The following SCYL2 variants were observed in gnomAD, a reference collection of about 807,000 sequenced individuals.
SCYL2 encodes the protein SCY1-like protein 2.
A neutral mutation model predicts 100.4 loss-of-function variants in SCYL2; 36 were observed. The ratio of observed to expected loss-of-function variants is 0.36; its 90% CI spans 0.27 to 0.47. The LOEUF (loss-of-function observed/expected upper bound fraction) is 0.47, where lower values mean the gene tolerates loss of function less well. SCYL2 is among the 20% of genes least tolerant of loss of function. SCYL2 has a pLI of 1.00. For synonymous variants in SCYL2, 330 were observed against 359.2 expected (o/e 0.92, Z 0.92); for missense variants, 902 against 1,083.9 (o/e 0.83, Z 2.36).
At chr12:100,337,647 T>G (rs1334334497) in intron 17 of SCYL2, 141 bp downstream of exon 17, 1 of 825,532 alleles carries the variant, frequency 1.2e-6, no homozygotes, top group Non-Finnish European at 1.9e-6. Context: ...AGTATGGGCA[T>G]AAATGATTTT....
intron 16 of SCYL2, among the ~76,000 whole-genome samples, chr12:100,336,592 A>G (rs999231586): frequency 5.3e-5 from 8 of 152,110 alleles, no homozygotes; most frequent in Non-Finnish European, 1.0e-4. Context: ...GGGGTACATG[A>G]TGTATACATG....
intron 1 of SCYL2, among the ~76,000 whole-genome samples, chr12:100,281,121 C>G (rs1019941619): frequency 6.7e-6 from 1 of 150,096 alleles, no homozygotes; most frequent in African/African-American, 2.5e-5. Flanking sequence ...CTCCCTCTCC[C>G]GGGCTCAAAC....
intron 1 of SCYL2, among the ~76,000 whole-genome samples, chr12:100,270,673 C>T (rs1349928301): frequency 4.1e-5 from 6 of 147,578 alleles, no homozygotes; most frequent in African/African-American, 1.5e-4. Context: ...CAGGGTCTCA[C>T]TATGTTGCCC....
intron 4 of SCYL2, among the ~76,000 whole-genome samples, chr12:100,302,416 G>A (rs569717451): frequency 1.3e-5 from 2 of 152,254 alleles, no homozygotes; most frequent in African/African-American, 2.4e-5. Flanking sequence ...TCCATATTTA[G>A]TGCTTTCTTC....
rs201196229 is a variant in SCYL2, at chr12:100,299,239, AAAC to A, written c.480+1079_480+1081del. 2.2e-3 allele frequency among the ~76,000 whole-genome samples: 332 copies of A among 152,246 alleles called. 2 individuals carry two copies. The highest frequency in any genetic ancestry group is 9.8e-3 in the East Asian group (51 of 5,180). On this transcript the variant is annotated intron_variant, in intron 4 of 17. Coordinates refer to ENST00000360820, the MANE Select transcript of SCYL2 (RefSeq NM_017988.6). Reference sequence around the variant, plus strand: ...GACAGAGTGAGAGCCTGTCTTAAAAAAACAACAACAACAACAAAAATAATATCT... The same window carrying A: ...GACAGAGTGAGAGCCTGTCTTAAAAAAACAACAACAACAAAAATAATATCT...
At chr12:100,292,404 A>G (rs1317186692) in intron 3 of SCYL2, among the ~76,000 whole-genome samples, 1 of 152,064 alleles carries the variant, frequency 6.6e-6, no homozygotes, top group East Asian at 1.9e-4. Flanking sequence ...AGGATAGGGG[A>G]AGAATGGGAA....
intron 9 of SCYL2, 85 bp downstream of exon 9, chr12:100,315,819 C>A: frequency 8.5e-7 from 1 of 1,173,130 alleles, no homozygotes; most frequent in Non-Finnish European, 1.1e-6. Flanking sequence ...GAATATATGA[C>A]TTAAAAAAAA....
At chr12:100,268,743 AT>A (rs1304911993) in intron 1 of SCYL2, among the ~76,000 whole-genome samples, 2 of 152,196 alleles carry the variant, frequency 1.3e-5, no homozygotes, top group Non-Finnish European at 2.9e-5. Context: ...CATGTTTGAA[AT>A]TCATGATATA....
intron 10 of SCYL2, among the ~76,000 whole-genome samples, chr12:100,322,622 G>A (rs2096357380): frequency 6.6e-6 from 1 of 151,624 alleles, no homozygotes; most frequent in South Asian, 2.1e-4. Flanking sequence ...CTGGGCATGG[G>A]CCAAGGTAGG....
chr12:100,294,719 CGG>C (rs1566351684), intron 3 of SCYL2, among the ~76,000 whole-genome samples: 11 of 129,670 alleles, frequency 8.5e-5, no homozygotes, highest in African/African-American at 3.8e-4. Flanking sequence ...ACCTCCCTCC[CGG>C]ACGGGGTGGC....
chr12:100,319,069 A>G (rs1008209379), intron 10 of SCYL2, among the ~76,000 whole-genome samples: 2 of 152,250 alleles, frequency 1.3e-5, no homozygotes, highest in Non-Finnish European at 2.9e-5. Flanking sequence ...TTAATAAAAT[A>G]GGATTTTTTT....
At chr12:100,317,976 A>G (rs2096351030) in intron 10 of SCYL2, 51 bp downstream of exon 10, 1 of 1,500,516 alleles carries the variant, frequency 6.7e-7, no homozygotes, top group Non-Finnish European at 8.9e-7. Context: ...TTCTTAAAGC[A>G]GAAGAAGAGG....
intron 1 of SCYL2, 31 bp from the exon 2 acceptor site, chr12:100,282,912 T>C: frequency 9.5e-7 from 1 of 1,050,624 alleles, no homozygotes; most frequent in Non-Finnish European, 1.4e-6. Context: ...TAAGAAATGA[T>C]CAGTTCTCCA....
chr12:100,300,298 T>A (rs1357510169), intron 4 of SCYL2, among the ~76,000 whole-genome samples: 1 of 152,242 alleles, frequency 6.6e-6, no homozygotes, highest in African/African-American at 2.4e-5. Flanking sequence ...GTCATTCTCT[T>A]AGCTGTATTT....
rs1331247761 is a variant in SCYL2 at position 100,314,394 on chromosome 12, CTGAG to C, written c.970-93_970-90del. 13 of 854,318 alleles carry C rather than the reference CTGAG, an allele frequency of 1.5e-5. No individual in the cohort carries two copies. The African/African-American group carries it at 2.1e-4, about 14-fold the overall frequency. 52.9% of individuals were successfully genotyped at this position (854,318 alleles called of 1,614,324 possible). On this transcript the variant is annotated intron_variant, in intron 7 of 17. Transcript: ENST00000360820. The stretch of plus-strand genomic sequence containing the variant: ...ATCTTCAGCATTTTGCTAAATGTTT[CTGAG>C]TATTTTTTTTACCATATTGTGACAG...
chr12:100,287,977 G>T (rs1373240052), intron 2 of SCYL2, among the ~76,000 whole-genome samples: 2 of 152,198 alleles, frequency 1.3e-5, no homozygotes, highest in African/African-American at 4.8e-5. Flanking sequence ...TCTTCAAGAG[G>T]ATTGTAATAT....
At position 100,315,682 on chromosome 12, in the gene SCYL2, A is replaced by G. The variant is rs773222426; in HGVS notation, c.1220A>G (p.Lys407Arg). 25 of 1,611,976 alleles carry G rather than the reference A, an allele frequency of 1.6e-5. No individual in the cohort carries two copies. The highest frequency in any genetic ancestry group is 1.9e-5 in the Non-Finnish European group (22 of 1,178,896). ...AEECTKEEYV[K>R]LILPELGPVF... ...GAATGCACCAAAGAAGAATATGTCA[A>G]ATTAATTCTTCCTGAACTTGGCCCT... Residue 407 changes from lysine to arginine, a missense_variant, in exon 9 of 18, where the codon AAA (lysine) becomes AGA (arginine). Transcript: ENST00000360820.
chr12:100,309,357 C>T lies in SCYL2; in HGVS notation c.481-1687C>T, dbSNP rs542762583. 1.8e-4 allele frequency among the ~76,000 whole-genome samples: 28 copies of T among 152,276 alleles called. 1 individual carries two copies. The South Asian group carries it at 5.4e-3, about 29-fold the overall frequency. The stretch of plus-strand genomic sequence containing the variant: ...ATCTTAGCAATCTGAAACTCTGCCC[C>T]TGAAACAGTATCTCCTTATTCCTCC... On this transcript the variant is annotated intron_variant, in intron 4 of 17. Transcript: ENST00000360820.
rs2096341669 is a variant in SCYL2 at position 100,311,129 on chromosome 12, G to C, written c.566G>C (p.Ser189Thr). 4 of 1,610,040 alleles carry C rather than the reference G, an allele frequency of 2.5e-6. No individual in the cohort carries two copies. Among genetic ancestry groups the C allele is most frequent in the Admixed American group, 1.7e-5 (1 of 59,284 alleles). ...CCTGAAAATATAATTTTGAATAAAAGTGGAGCCTGGAAAATAATGGGTTTT... is the reference window on the plus strand; with the variant it reads ...CCTGAAAATATAATTTTGAATAAAACTGGAGCCTGGAAAATAATGGGTTTT... ...ITPENIILNK[S>T]GAWKIMGFDF... is the part of the protein sequence containing the mutation. Residue 189 changes from serine to threonine, a missense_variant, in exon 5 of 18, where the codon AGT (serine) becomes ACT (threonine). Ser to Thr is a moderately conservative substitution (Grantham distance 58, BLOSUM62 1). Coordinates refer to ENST00000360820, the MANE Select transcript of SCYL2 (RefSeq NM_017988.6).
Sources: gnomAD v4.1 joint callset for allele counts (sites outside exome capture counted in the v4.1 genomes callset) on GRCh38, gnomAD v4.1.1 for gene constraint, MANE v1.5 for transcripts, NCBI Gene and HGNC (gene_info 2026-07-23, HGNC 2026-07-21) for gene names.